KCTD19: variants seen among roughly 807,000 people sequenced by gnomAD.
The protein encoded by KCTD19 is potassium channel tetramerization domain containing 19, also known as BTB/POZ domain-containing protein KCTD19.
Under a neutral mutation model 103.5 loss-of-function variants are expected in KCTD19, and 67 were observed. That is an observed-to-expected ratio of 0.65 (90% confidence interval 0.53 to 0.79). The LOEUF (loss-of-function observed/expected upper bound fraction) is 0.79, where lower values mean the gene tolerates loss of function less well. Ranked by LOEUF, KCTD19 falls within the 30% of genes least tolerant of loss-of-function variation. The pLI is 0.00. For missense variants in KCTD19, 980 were observed against 1,136.1 expected, an observed-to-expected ratio of 0.86 and a Z score of 1.98; for synonymous variants, 439 against 452.2, an observed-to-expected ratio of 0.97 and a Z score of 0.37.
chr16:67,321,094 G>C (rs2142525307), intron 1 of KCTD19, among the ~76,000 whole-genome samples: 1 of 152,298 alleles, frequency 6.6e-6, no homozygotes, highest in East Asian at 1.9e-4. Context: ...GGGAGCCTGA[G>C]GTGGGAAGGT....
chr16:67,299,668 A>C (rs771980567), intron 5 of KCTD19, 95 bp from the exon 6 acceptor site: 9 of 958,520 alleles, frequency 9.4e-6, no homozygotes, highest in Non-Finnish European at 1.3e-5. Flanking sequence ...CCTCCATTGT[A>C]CCGAGGAGGC....
chr16:67,301,348 G>T, intron 5 of KCTD19: 1 of 155,494 alleles, frequency 6.4e-6, no homozygotes, highest in African/African-American at 2.4e-5. Flanking sequence ...TGGATGAGAT[G>T]CATGAAGCAC....
rs116928947 is a variant in KCTD19, at chr16:67,307,699, C to T, written c.301-3128G>A. ...CTGGTCTTGAACTCCTGGGCTCAAG[C>T]GATCCTCCCATATTGGCCTCCTGGG... On this transcript the variant is annotated intron_variant, in intron 2 of 15. Transcript: ENST00000304372. Among the ~76,000 whole-genome samples the T allele has an allele frequency of 5.5e-3, 833 of 152,060 alleles. 23 individuals carry two copies. Among genetic ancestry groups the T allele is most frequent in the East Asian group, 0.038 (197 of 5,158 alleles).
chr16:67,320,512 A>G lies in KCTD19; in HGVS notation c.300+77T>C, dbSNP rs1036753854. 9 of 1,414,090 alleles carry G rather than the reference A, an allele frequency of 6.4e-6. No homozygotes were observed. Among genetic ancestry groups the G allele is most frequent in the South Asian group, 1.3e-5 (1 of 75,984 alleles). 87.6% of individuals were successfully genotyped at this position (1,414,090 alleles called of 1,614,324 possible). ...TAAGAGGGTCATCTCAGCAACCAAT[A>G]TATAACAGGAAACAATATTTAGTGA... is the stretch of plus-strand genomic sequence containing the variant. On this transcript the variant is annotated intron_variant, in intron 2 of 15. Coordinates refer to ENST00000304372, the MANE Select transcript of KCTD19 (RefSeq NM_001100915.3). This position sits in a 1 kb window ranked among gnomAD's most constrained non-coding sequence, Gnocchi z 4.0.
chr16:67,303,213 G>A lies in KCTD19; in HGVS notation c.576C>T (p.Asp192=). 6.2e-7 allele frequency: 1 copy of A among 1,613,862 alleles called. No homozygotes were observed. The highest frequency in any genetic ancestry group is 1.7e-5 in the Admixed American group (1 of 59,952). ...CCGTCTCAGCCAGCCACAGCAGGTTGTCTTCAGTCACTAGGCTGGGATATT... is the reference window on the plus strand; with the variant it reads ...CCGTCTCAGCCAGCCACAGCAGGTTATCTTCAGTCACTAGGCTGGGATATT... ...VAKYPSLVTE[D]NLLWLAETVA... The change falls in exon 4 of 16, where the codon GAC becomes GAT. Residue 192 remains aspartate (D), a synonymous_variant. Transcript: ENST00000304372. The surrounding 1 kb of genome is among the most constrained non-coding windows in gnomAD (Gnocchi z 4.3).
intron 2 of KCTD19, among the ~76,000 whole-genome samples, chr16:67,307,335 A>G (rs2036904572): frequency 2.0e-5 from 3 of 147,024 alleles, no homozygotes; most frequent in Admixed American, 2.0e-4. Context: ...TTTTTTTGAG[A>G]CAAGGTCTCA....
Position 67,290,968 on chromosome 16 carries a change from T to C in KCTD19, c.2584A>G (p.Lys862Glu). The C allele has an allele frequency of 6.2e-7, 1 of 1,614,098 alleles. No individual in the cohort carries two copies. Among genetic ancestry groups the C allele is most frequent in the Non-Finnish European group, 8.5e-7 (1 of 1,179,996 alleles). Residue 862 changes from lysine to glutamate, a missense_variant, in exon 15 of 16, where the codon AAG (lysine) becomes GAG (glutamate). Coordinates refer to ENST00000304372, the MANE Select transcript of KCTD19 (RefSeq NM_001100915.3). ...GCCAGCAAATCTACCACAAACTGCT[T>C]GGGGCTGATGTGCAGGGTCTGCCAG... ...NRLWTLHISP[K>E]QFVVDLLAIT...
chr16:67,312,534 A>C (rs2036959953), intron 2 of KCTD19, among the ~76,000 whole-genome samples: 1 of 152,210 alleles, frequency 6.6e-6, no homozygotes, highest in Non-Finnish European at 1.5e-5. Context: ...AACTGTTTCC[A>C]TGAATTCCAG....
Position 67,290,990 on chromosome 16 carries a change from C to T in KCTD19, c.2566-4G>A, listed in dbSNP as rs1210418234. Reference sequence around the variant, plus strand: ...GCTTGGGGCTGATGTGCAGGGTCTGCCAGGAGAGCCCACAGTCAGGCAGTG... The same window carrying T: ...GCTTGGGGCTGATGTGCAGGGTCTGTCAGGAGAGCCCACAGTCAGGCAGTG... On this transcript the variant is annotated splice_region_variant and splice_polypyrimidine_tract_variant and intron_variant, in intron 14 of 15. Coordinates refer to ENST00000304372, the MANE Select transcript of KCTD19 (RefSeq NM_001100915.3). 6.2e-7 allele frequency: 1 copy of T among 1,613,662 alleles called. No homozygotes were observed. Among genetic ancestry groups the T allele is most frequent in the African/African-American group, 1.3e-5 (1 of 75,046 alleles).
At chr16:67,317,655 A>T (rs2037026819) in intron 2 of KCTD19, among the ~76,000 whole-genome samples, 1 of 152,118 alleles carries the variant, frequency 6.6e-6, no homozygotes, top group African/African-American at 2.4e-5. Context: ...ATATACAGTT[A>T]ATATTTTGAG....
chr16:67,296,037 C>G, intron 8 of KCTD19, 122 bp downstream of exon 8: 1 of 691,178 alleles, frequency 1.4e-6, no homozygotes, highest in South Asian at 1.5e-5. Flanking sequence ...GCCACCGTGC[C>G]TGGCGGGAAA....
chr16:67,304,023 A>G (rs534378257), intron 3 of KCTD19, among the ~76,000 whole-genome samples: 1 of 152,248 alleles, frequency 6.6e-6, no homozygotes, highest in South Asian at 2.1e-4. Flanking sequence ...AAATCCATCA[A>G]TAATCATAAA....
intron 4 of KCTD19, chr16:67,302,730 G>T (rs1041788008): frequency 5.1e-6 from 1 of 196,562 alleles, no homozygotes; most frequent in Non-Finnish European, 1.0e-5. Flanking sequence ...ATTAAGAGCA[G>T]GTAGCACCAT....
rs560548198 is a variant in KCTD19, at chr16:67,323,562, T to G, written c.4-2677A>C. Among the ~76,000 whole-genome samples, 12 of 152,220 alleles carry G rather than the reference T, an allele frequency of 7.9e-5. No homozygotes were observed. The South Asian group carries it at 2.5e-3, about 32-fold the overall frequency. ...TAAAAAGGAATGAAGTACTGATACA[T>G]GATAACAACATGGATGAAATTCGAA... On this transcript the variant is annotated intron_variant, in intron 1 of 15. Transcript: ENST00000304372. This position sits in a 1 kb window ranked among gnomAD's most constrained non-coding sequence, Gnocchi z 4.1.
chr16:67,296,633 G>A (rs998700514), intron 7 of KCTD19, among the ~76,000 whole-genome samples: 3 of 152,168 alleles, frequency 2.0e-5, no homozygotes, highest in South Asian at 2.1e-4. Flanking sequence ...GTTTATGTTC[G>A]TGGTTTGGCA....
At chr16:67,294,842 A>C in intron 10 of KCTD19, 131 bp downstream of exon 10, 1 of 950,258 alleles carries the variant, frequency 1.1e-6, no homozygotes, top group Non-Finnish European at 1.7e-6. Flanking sequence ...TCACTGGCCA[A>C]TCCTGGGCCT....
At position 67,289,489 on chromosome 16, in the gene KCTD19, T is replaced by TGGGCACATGCATTCTGGGCTA; in HGVS notation, c.*59_*79dup. ...AAATAGACTGATATGTACCCTCTGA[T>TGGGCACATGCATTCTGGGCTA]GGGCACATGCATTCTGGGCTATCTC... On this transcript the variant is annotated 3_prime_UTR_variant, in exon 16 of 16. Transcript: ENST00000304372. The TGGGCACATGCATTCTGGGCTA allele has an allele frequency of 2.5e-6, 2 of 797,946 alleles. No individual in the cohort carries two copies. Among genetic ancestry groups the TGGGCACATGCATTCTGGGCTA allele is most frequent in the South Asian group, 1.4e-5 (1 of 69,682 alleles). 49.4% of individuals were successfully genotyped at this position (797,946 alleles called of 1,614,324 possible). A position where few individuals can be genotyped will look rare whatever the true frequency, so the allele number is the denominator to read the frequency against.
At chr16:67,326,630 C>T in intron 1 of KCTD19, 75 bp downstream of exon 1, 4 of 1,540,802 alleles carry the variant, frequency 2.6e-6, no homozygotes, top group Non-Finnish European at 3.5e-6. Flanking sequence ...ACCACTTAGC[C>T]CCAATCCTTG....
intron 4 of KCTD19, 96 bp from the exon 5 acceptor site, chr16:67,302,018 C>G: frequency 9.1e-7 from 1 of 1,096,706 alleles, no homozygotes; most frequent in Non-Finnish European, 1.4e-6. Context: ...TGTAACTTAT[C>G]CTAGGTTCTC....
Sources: allele counts gnomAD v4.1 joint callset (sites outside exome capture counted in the v4.1 genomes callset), GRCh38; gene constraint gnomAD v4.1.1; non-coding constraint Gnocchi (gnomAD v3.1); transcripts MANE v1.5; gene names NCBI Gene and HGNC (gene_info 2026-07-23, HGNC 2026-07-21).